Variants in SEL1L3 observed in about 807,000 individuals in gnomAD.
SEL1L3 encodes the protein protein sel-1 homolog 3.
Under a neutral mutation model 142.8 loss-of-function variants are expected in SEL1L3, and 76 were observed. That is an observed-to-expected ratio of 0.53 (90% confidence interval 0.44 to 0.64). The LOEUF (loss-of-function observed/expected upper bound fraction) is 0.64. Among genes scored for constraint, SEL1L3 ranks in the 30% least tolerant of loss-of-function variants. The pLI is 0.00. For synonymous variants in SEL1L3, 504 were observed against 519.6 expected (o/e 0.97, Z 0.41); for missense variants, 1,262 against 1,381.7 (o/e 0.91, Z 1.37).
intron 10 of SEL1L3, among the ~76,000 whole-genome samples, chr4:25,803,256 C>T (rs751221536): frequency 3.3e-5 from 5 of 152,376 alleles, no homozygotes; most frequent in Admixed American, 6.5e-5. Context: ...CCAGCCACTT[C>T]GTGGCAGAGA....
chr4:25,749,528 T>G (rs1717450616), intron 23 of SEL1L3, among the ~76,000 whole-genome samples: 1 of 152,210 alleles, frequency 6.6e-6, no homozygotes, highest in African/African-American at 2.4e-5. Flanking sequence ...CTGGGGGGTT[T>G]GCAATCACTG....
At chr4:25,820,039 C>T in intron 7 of SEL1L3, 99 bp from the exon 8 acceptor site, 2 of 1,184,470 alleles carry the variant, frequency 1.7e-6, no homozygotes, top group Non-Finnish European at 2.4e-6. Flanking sequence ...CTCCCATTGA[C>T]ATCTCCAGGT....
intron 9 of SEL1L3, among the ~76,000 whole-genome samples, chr4:25,810,883 G>A (rs755489757): frequency 1.3e-5 from 2 of 152,202 alleles, no homozygotes; most frequent in Admixed American, 6.5e-5. Context: ...GAGTAGCCCC[G>A]CCATGTTTAA....
In SEL1L3 at chr4:25,833,570, C is replaced by G; in HGVS notation, c.861-1G>C. The G allele has an allele frequency of 3.7e-6, 6 of 1,605,900 alleles. No homozygotes were observed. The highest frequency in any genetic ancestry group is 5.1e-6 in the Non-Finnish European group (6 of 1,176,886). On this transcript the variant is annotated splice_acceptor_variant, in intron 3 of 23. Transcript: ENST00000399878. LOFTEE classifies it high-confidence loss of function. ...ATAAAGCCACAATGAAACAGTAAACCTATAAGAGTGAGGGGGAAAAAAATT... is the reference window on the plus strand; with the variant it reads ...ATAAAGCCACAATGAAACAGTAAACGTATAAGAGTGAGGGGGAAAAAAATT...
At chr4:25,778,401 C>G (rs1174632089) in intron 16 of SEL1L3, among the ~76,000 whole-genome samples, 1 of 151,608 alleles carries the variant, frequency 6.6e-6, no homozygotes, top group African/African-American at 2.4e-5. Context: ...ATTTGGAGAT[C>G]AAATACATAG....
chr4:25,848,331 A>G (rs1560356177), intron 1 of SEL1L3, among the ~76,000 whole-genome samples: 2 of 152,370 alleles, frequency 1.3e-5, no homozygotes, highest in African/African-American at 2.4e-5. Context: ...TCGAGGGAAC[A>G]TAACAGGGAT....
In SEL1L3 at chr4:25,847,377, T is replaced by A; in HGVS notation, c.650A>T (p.Asp217Val). Residue 217 changes from aspartate (D) to valine (V), a missense_variant, in exon 2 of 24, where the codon GAT becomes GTT. Physicochemically the swap from Asp to Val is radical, Grantham distance 152 (BLOSUM62 -3). Coordinates refer to ENST00000399878, the MANE Select transcript of SEL1L3 (RefSeq NM_015187.5). ...TIPPFERPFKDHQVCLEWNMG... is the reference protein window; with the variant it reads ...TIPPFERPFKVHQVCLEWNMG... The stretch of plus-strand genomic sequence containing the variant: ...GTTCCACTCAAGGCACACTTGATGA[T>A]CTTTGAAAGGGCGTTCAAAAGGCGG... 6.2e-7 allele frequency: 1 copy of A among 1,614,036 alleles called. No homozygotes were observed. The highest frequency in any genetic ancestry group is 8.5e-7 in the Non-Finnish European group (1 of 1,179,896).
intron 11 of SEL1L3, among the ~76,000 whole-genome samples, chr4:25,797,173 A>T (rs1712825910): frequency 1.4e-5 from 2 of 146,488 alleles, no homozygotes; most frequent in Admixed American, 1.4e-4. Flanking sequence ...AGAGAGAGAA[A>T]GGAAGGAAGA....
the SEL1L3 span, among the ~76,000 whole-genome samples, chr4:25,736,213 T>TTGTGTGTG: frequency 0.034 from 4,382 of 130,622 alleles, 163 homozygotes; most frequent in African/African-American, 0.083. Context: ...TGCCATAAGA[T>TTGTGTGTG]TGTGTGTCTG....
chr4:25,752,586 G>A (rs1487160120), intron 23 of SEL1L3, among the ~76,000 whole-genome samples: 2 of 152,088 alleles, frequency 1.3e-5, no homozygotes, highest in African/African-American at 2.4e-5. Context: ...TGCCCCAGAG[G>A]ACATACTCCT....
chr4:25,853,724 TG>T, intron 1 of SEL1L3, among the ~76,000 whole-genome samples: 1 of 134,784 alleles, frequency 7.4e-6, no homozygotes, highest in Non-Finnish European at 1.5e-5. Context: ...CAGGCTGGAG[TG>T]CAATAGGGCA....
At chr4:25,742,394 C>G in the SEL1L3 span, among the ~76,000 whole-genome samples, 1 of 152,130 alleles carries the variant, frequency 6.6e-6, no homozygotes, top group Non-Finnish European at 1.5e-5. Context: ...CCATGTTGCC[C>G]TGGCTGGGCT....
chr4:25,839,761 T>C (rs1384793993), intron 2 of SEL1L3, among the ~76,000 whole-genome samples: 2 of 152,152 alleles, frequency 1.3e-5, no homozygotes, highest in Non-Finnish European at 2.9e-5. Context: ...TTCACGCTAT[T>C]TAAATTTTTT....
chr4:25,819,700 T>C, intron 8 of SEL1L3, 108 bp downstream of exon 8: 1 of 1,076,542 alleles, frequency 9.3e-7, no homozygotes, highest in Non-Finnish European at 1.3e-6. Context: ...ATCTGGTATC[T>C]GAGCCAAGTC....
chr4:25,797,661 C>T (rs1712879739), intron 11 of SEL1L3, among the ~76,000 whole-genome samples: 1 of 152,186 alleles, frequency 6.6e-6, no homozygotes, highest in African/African-American at 2.4e-5. Flanking sequence ...TCGAAAAGCA[C>T]CAGCATCAAG....
the SEL1L3 span, among the ~76,000 whole-genome samples, chr4:25,714,612 C>T: frequency 6.7e-6 from 1 of 148,806 alleles, no homozygotes; most frequent in Non-Finnish European, 1.5e-5. Context: ...TGCTCTCTCA[C>T]CCAGGCTGGA....
intron 1 of SEL1L3, among the ~76,000 whole-genome samples, chr4:25,859,512 G>C (rs1415147857): frequency 6.6e-6 from 1 of 152,178 alleles, no homozygotes; most frequent in East Asian, 1.9e-4. Flanking sequence ...CCACTCCTCA[G>C]GACCCTGACT....
At chr4:25,745,621 G>A (rs904480155), downstream of SEL1L3, among the ~76,000 whole-genome samples, 1 of 152,196 alleles carries the variant, frequency 6.6e-6, no homozygotes, top group Admixed American at 6.5e-5. Context: ...GGGAAGCAGG[G>A]GTGATGAGTG....
the SEL1L3 span, among the ~76,000 whole-genome samples, chr4:25,737,975 C>T: frequency 6.6e-6 from 1 of 152,068 alleles, no homozygotes; most frequent in Admixed American, 6.6e-5. Context: ...CTGTAGCCTC[C>T]CTCTCCCAGG....
Sources: allele counts gnomAD v4.1 joint callset (sites outside exome capture counted in the v4.1 genomes callset), GRCh38; gene constraint gnomAD v4.1.1; transcripts MANE v1.5; gene names NCBI Gene and HGNC (gene_info 2026-07-23, HGNC 2026-07-21).